SLC35F1: variants seen among roughly 807,000 people sequenced by gnomAD.
SLC35F1 encodes chromosome 6 open reading frame 169.
SLC35F1 carries 14 observed loss-of-function variants against 48.7 expected under a neutral mutation model. That is an observed-to-expected ratio of 0.29 (90% CI 0.19 to 0.45). SLC35F1 has a LOEUF of 0.45. SLC35F1 is among the 20% of genes least tolerant of loss of function. The probability of loss-of-function intolerance (pLI) is 1.00; values close to 1 mark genes in which losing one functional copy is unlikely to be tolerated. For missense variants in SLC35F1, 404 were observed against 500.0 expected, an observed-to-expected ratio of 0.81 and a Z score of 1.83; for synonymous variants, 190 against 202.2, an observed-to-expected ratio of 0.94 and a Z score of 0.51.
chr6:117,990,123 T>C (rs1368367974), intron 1 of SLC35F1, among the ~76,000 whole-genome samples: 1 of 152,124 alleles, frequency 6.6e-6, no homozygotes, highest in Non-Finnish European at 1.5e-5. Flanking sequence ...TGGTTTCCAT[T>C]TTAAGGGCAC....
At chr6:117,987,660 A>G (rs939770558) in intron 1 of SLC35F1, among the ~76,000 whole-genome samples, 3 of 152,180 alleles carry the variant, frequency 2.0e-5, no homozygotes, top group Admixed American at 1.3e-4. Context: ...TGGTGTAGAA[A>G]AGAAAGGGAA....
chr6:118,126,148 G>A (rs910334629), intron 1 of SLC35F1, among the ~76,000 whole-genome samples: 1 of 152,136 alleles, frequency 6.6e-6, no homozygotes, highest in South Asian at 2.1e-4. Flanking sequence ...ACTAACAAGA[G>A]ACTGCTGACT....
At chr6:118,071,185 TGTATATAC>T (rs1772718186) in intron 1 of SLC35F1, among the ~76,000 whole-genome samples, 1 of 145,084 alleles carries the variant, frequency 6.9e-6, no homozygotes, top group Non-Finnish European at 1.5e-5. Context: ...ATACTATGTG[TGTATATAC>T]ACACATAGTA....
chr6:118,007,086 A>G (rs968916141), intron 1 of SLC35F1, among the ~76,000 whole-genome samples: 1 of 151,670 alleles, frequency 6.6e-6, no homozygotes, highest in Non-Finnish European at 1.5e-5. Flanking sequence ...ACAATACTTG[A>G]AATTGGGTAG....
intron 1 of SLC35F1, among the ~76,000 whole-genome samples, chr6:117,934,081 G>A (rs1022973031): frequency 1.3e-5 from 2 of 152,140 alleles, no homozygotes; most frequent in African/African-American, 4.8e-5. Flanking sequence ...GAGCTGCAAA[G>A]GGAATGAGCC....
chr6:118,025,207 G>C (rs1464524677), intron 1 of SLC35F1, among the ~76,000 whole-genome samples: 2 of 152,108 alleles, frequency 1.3e-5, no homozygotes, highest in Non-Finnish European at 2.9e-5. Flanking sequence ...GCCCCTCTTG[G>C]CTGTGACTTT....
chr6:118,258,446 C>T (rs1775672601), intron 3 of SLC35F1, among the ~76,000 whole-genome samples: 2 of 152,156 alleles, frequency 1.3e-5, no homozygotes, highest in South Asian at 2.1e-4. Flanking sequence ...GATTTTCCCC[C>T]AAAGCCTTCA....
intron 1 of SLC35F1, among the ~76,000 whole-genome samples, chr6:117,923,881 TAG>T (rs1251779856): frequency 7.3e-6 from 1 of 137,618 alleles, no homozygotes; most frequent in Non-Finnish European, 1.5e-5. Flanking sequence ...TATACATATG[TAG>T]ATACACATAT....
intron 1 of SLC35F1, among the ~76,000 whole-genome samples, chr6:118,083,343 T>G: frequency 6.6e-6 from 1 of 152,200 alleles, no homozygotes; most frequent in South Asian, 2.1e-4. Flanking sequence ...ACCTAAGTGG[T>G]AAAGTAATAA....
intron 7 of SLC35F1, among the ~76,000 whole-genome samples, chr6:118,299,259 G>T (rs1342871103): frequency 6.6e-6 from 1 of 152,150 alleles, no homozygotes; most frequent in Non-Finnish European, 1.5e-5. Context: ...GCAAGAATTT[G>T]TGTCCATAGA....
chr6:117,957,739 CAT>C (rs1398719096), intron 1 of SLC35F1, among the ~76,000 whole-genome samples: 1 of 152,188 alleles, frequency 6.6e-6, no homozygotes, highest in African/African-American at 2.4e-5. Flanking sequence ...AGATACTACT[CAT>C]GTGTTTGTGG....
chr6:118,283,258 C>T (rs972540314), intron 6 of SLC35F1, among the ~76,000 whole-genome samples: 2 of 152,170 alleles, frequency 1.3e-5, no homozygotes, highest in African/African-American at 4.8e-5. Flanking sequence ...CTTCAGCACT[C>T]GAGGTAAATG....
intron 6 of SLC35F1, among the ~76,000 whole-genome samples, chr6:118,281,216 A>G (rs1361204339): frequency 6.7e-6 from 1 of 149,380 alleles, no homozygotes; most frequent in Non-Finnish European, 1.5e-5. Flanking sequence ...ATATATATAT[A>G]TATATAAAAT....
At chr6:118,039,749 T>G (rs527575379) in intron 1 of SLC35F1, among the ~76,000 whole-genome samples, 1 of 151,858 alleles carries the variant, frequency 6.6e-6, no homozygotes, top group East Asian at 1.9e-4. Context: ...AAAATTGTAG[T>G]AGCTGCTTCA....
At chr6:117,984,493 CAAAAAA>C (rs1215573454) in intron 1 of SLC35F1, among the ~76,000 whole-genome samples, 2 of 60,974 alleles carry the variant, frequency 3.3e-5, no homozygotes, top group Non-Finnish European at 7.4e-5. Flanking sequence ...GACTCGGTCT[CAAAAAA>C]AAAAAAAAAA....
intron 1 of SLC35F1, among the ~76,000 whole-genome samples, chr6:118,092,044 G>T (rs1043534203): frequency 2.6e-4 from 40 of 152,194 alleles, no homozygotes; most frequent in African/African-American, 9.7e-4. Flanking sequence ...TTGGAAATTT[G>T]CAGCCTGACG....
At chr6:118,059,902 A>C (rs1237556065) in intron 1 of SLC35F1, among the ~76,000 whole-genome samples, 1 of 152,230 alleles carries the variant, frequency 6.6e-6, no homozygotes, top group Non-Finnish European at 1.5e-5. Flanking sequence ...TAGGAGAAGA[A>C]ACACTATACA....
intron 1 of SLC35F1, among the ~76,000 whole-genome samples, chr6:118,035,900 G>C (rs1772124712): frequency 6.6e-6 from 1 of 151,642 alleles, no homozygotes; most frequent in Non-Finnish European, 1.5e-5. Flanking sequence ...CACCATGTTA[G>C]CCAGGATGGT....
intron 6 of SLC35F1, among the ~76,000 whole-genome samples, chr6:118,283,603 G>C (rs1413834841): frequency 2.6e-5 from 4 of 152,148 alleles, no homozygotes; most frequent in Admixed American, 6.5e-5. Context: ...CGGAAACAAG[G>C]CTCTGGTGCC....
Sources: gnomAD v4.1 joint callset for allele counts (sites outside exome capture counted in the v4.1 genomes callset) on GRCh38, gnomAD v4.1.1 for gene constraint, MANE v1.5 for transcripts, NCBI Gene and HGNC (gene_info 2026-07-23, HGNC 2026-07-21) for gene names.